The following IARS1 variants were observed in gnomAD, a reference collection of about 807,000 sequenced individuals.
The protein encoded by IARS1 is isoleucine--tRNA ligase, cytoplasmic.
IARS1 carries 124 observed loss-of-function variants against 168.2 expected under a neutral mutation model. That is an observed-to-expected ratio of 0.74 (90% confidence interval 0.64 to 0.86). The LOEUF is 0.86. Ranked by LOEUF, IARS1 falls within the 40% of genes least tolerant of loss-of-function variation. The pLI, the probability that IARS1 is intolerant of heterozygous loss-of-function variation, is 0.00. For synonymous variants in IARS1, 532 were observed against 529.4 expected, an observed-to-expected ratio of 1.00 and a Z score of -0.07; for missense variants, 1,452 against 1,515.8, an observed-to-expected ratio of 0.96 and a Z score of 0.70.
chr9:92,220,510 G>A (rs940390343), intron 33 of IARS1, among the ~76,000 whole-genome samples: 4 of 152,020 alleles, frequency 2.6e-5, no homozygotes, highest in South Asian at 4.2e-4. Flanking sequence ...CCAGCTACTC[G>A]GGAGGCTGAG....
chr9:92,253,945 T>C (rs977490094), intron 20 of IARS1: 3 of 449,744 alleles, frequency 6.7e-6, no homozygotes, highest in African/African-American at 4.0e-5. Flanking sequence ...TGGGAAACAT[T>C]TGTCAACGTT....
chr9:92,232,056 A>T (rs1826793633), intron 30 of IARS1, among the ~76,000 whole-genome samples: 1 of 152,216 alleles, frequency 6.6e-6, no homozygotes, highest in African/African-American at 2.4e-5. Flanking sequence ...TTTCGAGTGC[A>T]GCAAAAAAAC....
At chr9:92,274,127 C>A (rs983882052) in intron 10 of IARS1, among the ~76,000 whole-genome samples, 2 of 151,922 alleles carry the variant, frequency 1.3e-5, no homozygotes, top group East Asian at 3.9e-4. Flanking sequence ...AAGAACACAG[C>A]AGAGGTGATG....
At chr9:92,255,386 G>A (rs1338711649) in intron 20 of IARS1, among the ~76,000 whole-genome samples, 1 of 152,150 alleles carries the variant, frequency 6.6e-6, no homozygotes, top group Non-Finnish European at 1.5e-5. Context: ...CCCTCACTGT[G>A]ACCCAGGGCC....
At chr9:92,282,699 G>A (rs1834801263) in intron 6 of IARS1, among the ~76,000 whole-genome samples, 1 of 151,994 alleles carries the variant, frequency 6.6e-6, no homozygotes. Flanking sequence ...GAACCCAGGA[G>A]GTCAAGGCTG....
Position 92,286,636 on chromosome 9 carries a change from T to C in IARS1, c.397-18A>G, listed in dbSNP as rs372965299. 3.9e-6 allele frequency: 5 copies of C among 1,266,524 alleles called. No individual in the cohort carries two copies. The highest frequency in any genetic ancestry group is 5.8e-6 in the Non-Finnish European group (5 of 866,432). 78.5% of individuals were successfully genotyped at this position (1,266,524 alleles called of 1,614,324 possible). ...ACAGTAGACTTTAAAATATTAATATTAGAACAGTATTAGACAATGATATTT... is the reference window on the plus strand; with the variant it reads ...ACAGTAGACTTTAAAATATTAATATCAGAACAGTATTAGACAATGATATTT... On this transcript the variant is annotated intron_variant, in intron 4 of 33. Coordinates refer to ENST00000443024, the MANE Select transcript of IARS1 (RefSeq NM_002161.6).
At position 92,242,314 on chromosome 9, in the gene IARS1, G is replaced by C; in HGVS notation, c.3017C>G (p.Thr1006Ser). 2.5e-6 allele frequency: 4 copies of C among 1,612,496 alleles called. No homozygotes were observed. Among genetic ancestry groups the C allele is most frequent in the Non-Finnish European group, 3.4e-6 (4 of 1,179,456 alleles). ...TTTATAGTACACTGTGATTTCATCAGTTGGAACCAGATTGCACTGAAAACA... is the reference window on the plus strand; with the variant it reads ...TTTATAGTACACTGTGATTTCATCACTTGGAACCAGATTGCACTGAAAACA... ...KLRKKCNLVPTDEITVYYKAK... is the reference protein window; with the variant it reads ...KLRKKCNLVPSDEITVYYKAK... The change falls in exon 29 of 34, where the codon ACT becomes AGT. Residue 1006 changes from threonine (T) to serine (S), a missense_variant. Transcript: ENST00000443024.
At chr9:92,291,363 C>T (rs752633562) in intron 1 of IARS1, among the ~76,000 whole-genome samples, 8 of 152,040 alleles carry the variant, frequency 5.3e-5, no homozygotes, top group Non-Finnish European at 1.2e-4. Context: ...TTGAAAGCAT[C>T]AAAAGCATCA....
intron 27 of IARS1, among the ~76,000 whole-genome samples, chr9:92,244,649 G>T (rs1828919022): frequency 6.6e-6 from 1 of 152,142 alleles, no homozygotes; most frequent in Non-Finnish European, 1.5e-5. Context: ...AGAATACTAA[G>T]AACTGGCTTA....
intron 4 of IARS1, chr9:92,287,359 T>C (rs1478234816): frequency 6.5e-6 from 1 of 154,006 alleles, no homozygotes; most frequent in Non-Finnish European, 1.5e-5. Flanking sequence ...GCAACTGCTT[T>C]TGAAAATTCT....
intron 30 of IARS1, among the ~76,000 whole-genome samples, chr9:92,229,529 T>C (rs1204796057): frequency 6.6e-6 from 1 of 152,166 alleles, no homozygotes; most frequent in African/African-American, 2.4e-5. Context: ...TCATTTTTCA[T>C]TTTGTGCCAT....
chr9:92,264,313 C>G (rs556932849), intron 16 of IARS1, among the ~76,000 whole-genome samples: 2 of 148,098 alleles, frequency 1.4e-5, no homozygotes, highest in Non-Finnish European at 3.0e-5. Flanking sequence ...CCAGCCTGGG[C>G]AGCAGAGTGC....
intron 30 of IARS1, among the ~76,000 whole-genome samples, chr9:92,229,940 T>C (rs1284389450): frequency 2.0e-5 from 3 of 152,170 alleles, no homozygotes; most frequent in Non-Finnish European, 4.4e-5. Flanking sequence ...ATGAGAATCC[T>C]CGTGTTGCCT....
chr9:92,250,195 G>A lies in IARS1; in HGVS notation c.2524C>T (p.Pro842Ser), dbSNP rs377046515. The stretch of plus-strand genomic sequence containing the variant: ...GAAGTAAAATTTCAAACCTTTATGG[G>A]AATAGTTTTTCGGTCTCTGATCACT... Reference protein sequence around the residue: ...GRVIRDRKTIPIKYPLKEIVV... With the variant: ...GRVIRDRKTISIKYPLKEIVV... Residue 842 changes from proline to serine, a missense_variant, in exon 24 of 34, where the codon CCC becomes TCC. Transcript: ENST00000443024. 2.8e-5 allele frequency: 45 copies of A among 1,596,850 alleles called. No individual in the cohort carries two copies. Among genetic ancestry groups the A allele is most frequent in the Non-Finnish European group, 3.9e-5 (45 of 1,164,502 alleles).
In IARS1 at chr9:92,280,741, C is replaced by T. The variant is rs1406596054; in HGVS notation, c.745+5G>A. The T allele has an allele frequency of 6.2e-7, 1 of 1,602,146 alleles. No individual in the cohort carries two copies. The highest frequency in any genetic ancestry group is 8.5e-7 in the Non-Finnish European group (1 of 1,173,178). ...TTAATCATAAGTAACCAGCCTCCCACTTACCTTTAATTTTCACATATTGCA... is the reference window on the plus strand; with the variant it reads ...TTAATCATAAGTAACCAGCCTCCCATTTACCTTTAATTTTCACATATTGCA... On this transcript the variant is annotated splice_donor_5th_base_variant and intron_variant, in intron 7 of 33. Coordinates refer to ENST00000443024, the MANE Select transcript of IARS1 (RefSeq NM_002161.6).
chr9:92,282,839 CATATAT>C (rs772428704), intron 6 of IARS1, among the ~76,000 whole-genome samples: 1 of 142,254 alleles, frequency 7.0e-6, no homozygotes, highest in Non-Finnish European at 1.5e-5. Flanking sequence ...CATACACACA[CATATAT>C]ATATATATAT....
At chr9:92,241,200 G>A (rs1828350037) in intron 29 of IARS1, among the ~76,000 whole-genome samples, 1 of 152,054 alleles carries the variant, frequency 6.6e-6, no homozygotes, top group African/African-American at 2.4e-5. Context: ...TACACAATAT[G>A]CAAAATACAA....
At position 92,240,963 on chromosome 9, in the gene IARS1, TGA is replaced by T; in HGVS notation, c.3178-4_3178-3del. On this transcript the variant is annotated splice_region_variant and splice_polypyrimidine_tract_variant and intron_variant, in intron 29 of 33. Coordinates refer to ENST00000443024, the MANE Select transcript of IARS1 (RefSeq NM_002161.6). ...AATTTCCAGTTCAGATCCCTTCAAC[TGA>T]GCACATGAGAACGTATGACTGAGTA... 1 of 1,574,766 alleles carries T rather than the reference TGA, an allele frequency of 6.4e-7. No homozygotes were observed. Among genetic ancestry groups the T allele is most frequent in the East Asian group, 2.2e-5 (1 of 44,666 alleles).
At chr9:92,292,320 T>C (rs980717918) in intron 1 of IARS1, 1 of 152,358 alleles carries the variant, frequency 6.6e-6, no homozygotes, top group Non-Finnish European at 1.5e-5. Flanking sequence ...ATTACAGGCA[T>C]GAGCCACTAT....
Sources: gnomAD v4.1 joint callset for allele counts (sites outside exome capture counted in the v4.1 genomes callset) on GRCh38, gnomAD v4.1.1 for gene constraint, MANE v1.5 for transcripts, NCBI Gene and HGNC (gene_info 2026-07-23, HGNC 2026-07-21) for gene names.